LIMCH1: variants seen among roughly 807,000 people sequenced by gnomAD.
LIMCH1 encodes the protein LIM and calponin homology domains 1, also known as LIM and calponin homology domains-containing protein 1.
A neutral mutation model predicts 176.5 loss-of-function variants in LIMCH1; 113 were observed. The ratio of observed to expected loss-of-function variants is 0.64; its 90% CI spans 0.55 to 0.75. The LOEUF is 0.75. LIMCH1 is among the 30% of genes least tolerant of loss of function. The pLI is 0.00. For missense variants in LIMCH1, 1,674 were observed against 1,814.9 expected (o/e 0.92, Z 1.41); for synonymous variants, 619 against 645.9 (o/e 0.96, Z 0.63).
At chr4:41,672,314 G>T (rs538550545) in intron 22 of LIMCH1, among the ~76,000 whole-genome samples, 2 of 152,216 alleles carry the variant, frequency 1.3e-5, no homozygotes, top group Admixed American at 1.3e-4. Flanking sequence ...AGGTTGCAGT[G>T]AGCCAAGATC....
At chr4:41,624,267 C>T (rs780441591) in intron 7 of LIMCH1, among the ~76,000 whole-genome samples, 4 of 151,942 alleles carry the variant, frequency 2.6e-5, no homozygotes, top group South Asian at 2.1e-4. Flanking sequence ...TTCTCAACCA[C>T]GTAGTAATTA....
chr4:41,547,725 T>C (rs954200118), intron 1 of LIMCH1, among the ~76,000 whole-genome samples: 1 of 144,938 alleles, frequency 6.9e-6, no homozygotes, highest in African/African-American at 2.5e-5. Context: ...CATATATACA[T>C]ATATAATATA....
At position 41,662,740 on chromosome 4, in the gene LIMCH1, A is replaced by C. The variant is rs2094670153; in HGVS notation, c.3128-81A>C. On this transcript the variant is annotated intron_variant, in intron 19 of 31. Coordinates refer to ENST00000503057, the MANE Select transcript of LIMCH1 (RefSeq NM_001330672.2). ...ACGGGATATGGACTGAATGTACTTC[A>C]TGGCATTGCAGAATAAATGGTCCTA... 12 of 1,435,034 alleles carry C rather than the reference A, an allele frequency of 8.4e-6. No individual in the cohort carries two copies. In the South Asian group the frequency reaches 8.5e-5, roughly 10 times the overall value. The allele number at this position is 1,435,034 out of a possible 1,614,324, so 88.9% of individuals were successfully genotyped here.
At chr4:41,613,919 A>G (rs907059587) in intron 5 of LIMCH1, among the ~76,000 whole-genome samples, 8 of 152,238 alleles carry the variant, frequency 5.3e-5, no homozygotes, top group South Asian at 2.1e-4. Context: ...AATGTGTTAC[A>G]TCATTCCTCC....
At chr4:41,458,280 C>A (rs952837771) in intron 1 of LIMCH1, among the ~76,000 whole-genome samples, 2 of 152,010 alleles carry the variant, frequency 1.3e-5, no homozygotes, top group Non-Finnish European at 2.9e-5. Context: ...TTTGCTACTA[C>A]AAAATGATTA....
At chr4:41,528,355 TA>T (rs1561643003) in intron 3 of LIMCH1, among the ~76,000 whole-genome samples, 1 of 152,184 alleles carries the variant, frequency 6.6e-6, no homozygotes, top group East Asian at 1.9e-4. Context: ...TTTTTCAATA[TA>T]AAAAGTTGAG....
At chr4:41,553,224 A>G (rs560165701) in intron 1 of LIMCH1, among the ~76,000 whole-genome samples, 1 of 152,148 alleles carries the variant, frequency 6.6e-6, no homozygotes, top group Non-Finnish European at 1.5e-5. Context: ...CGGGGTTACA[A>G]CCATGAATGG....
In LIMCH1 at chr4:41,671,611, A is replaced by G; in HGVS notation, c.3438+17A>G. On this transcript the variant is annotated intron_variant, in intron 22 of 31. Coordinates refer to ENST00000503057, the MANE Select transcript of LIMCH1 (RefSeq NM_001330672.2). Reference sequence around the variant, plus strand: ...ATGACACCTGTAAGTCACTCATTTTAAGGAATAAGATTATGAGTTAGTGTG... The same window carrying G: ...ATGACACCTGTAAGTCACTCATTTTGAGGAATAAGATTATGAGTTAGTGTG... The G allele has an allele frequency of 6.5e-7, 1 of 1,531,690 alleles. No homozygotes were observed. 94.9% of individuals were successfully genotyped at this position (1,531,690 alleles called of 1,614,324 possible).
intron 22 of LIMCH1, among the ~76,000 whole-genome samples, chr4:41,672,446 A>T (rs1444458952): frequency 2.6e-5 from 4 of 152,230 alleles, no homozygotes; most frequent in African/African-American, 9.6e-5. Context: ...ACATTTTTTT[A>T]AATGTACCTC....
chr4:41,633,096 T>C lies in LIMCH1; in HGVS notation c.1829+11T>C. On this transcript the variant is annotated intron_variant, in intron 12 of 31. Transcript: ENST00000503057. ...CAGCAGCCAGCCACTGTGAGCATCTTGCCTGCGCTCTGCTCCGTGGTGTGT... is the reference window on the plus strand; with the variant it reads ...CAGCAGCCAGCCACTGTGAGCATCTCGCCTGCGCTCTGCTCCGTGGTGTGT... The C allele has an allele frequency of 6.6e-7, 1 of 1,516,722 alleles. No homozygotes were observed. The highest frequency in any genetic ancestry group is 8.8e-7 in the Non-Finnish European group (1 of 1,130,400). 94.0% of individuals were successfully genotyped at this position (1,516,722 alleles called of 1,614,324 possible). A position where few individuals can be genotyped will look rare whatever the true frequency, so the allele number is the denominator to read the frequency against.
intron 1 of LIMCH1, among the ~76,000 whole-genome samples, chr4:41,462,842 C>T (rs1029358915): frequency 2.0e-5 from 3 of 152,022 alleles, no homozygotes; most frequent in African/African-American, 7.2e-5. Context: ...AGGCATTTTA[C>T]CTCACTTATA....
intron 4 of LIMCH1, chr4:41,609,761 T>C (rs891931210): frequency 1.5e-5 from 6 of 402,440 alleles, no homozygotes; most frequent in African/African-American, 6.2e-5. Context: ...GGGACTGAGA[T>C]TCTAGATGAA....
At chr4:41,671,881 T>A in intron 22 of LIMCH1, among the ~76,000 whole-genome samples, 1 of 80,410 alleles carries the variant, frequency 1.2e-5, no homozygotes, top group African/African-American at 5.4e-5. Flanking sequence ...CGAGACTTCG[T>A]CTCAAAAAAA....
At chr4:41,426,881 A>G (rs1276931139) in intron 1 of LIMCH1, among the ~76,000 whole-genome samples, 1 of 152,268 alleles carries the variant, frequency 6.6e-6, no homozygotes, top group Non-Finnish European at 1.5e-5. Context: ...AGTAAAAAAC[A>G]TACTCATTTC....
In LIMCH1 at chr4:41,464,181, G is replaced by A. The variant is rs147120549; in HGVS notation, c.97-30355G>A. Among the ~76,000 whole-genome samples, 594 of 151,136 alleles carry A rather than the reference G, an allele frequency of 3.9e-3. 4 individuals are homozygous for A. The highest frequency in any genetic ancestry group is 0.014 in the African/African-American group (569 of 41,172). ...CTCTAGCCAGTTATCTCTGCTTGCC[G>A]TTGTTCTCTGAGCTCCTGCTCCAGT... On this transcript the variant is annotated intron_variant, in intron 1 of 26. Transcript: ENST00000313860.
chr4:41,500,103 A>G (rs1435820514), intron 2 of LIMCH1, among the ~76,000 whole-genome samples: 2 of 152,188 alleles, frequency 1.3e-5, no homozygotes, highest in Non-Finnish European at 2.9e-5. Context: ...ATTGCTGGTA[A>G]TGTTATGAGT....
At chr4:41,668,004 T>A (rs1023510418) in intron 21 of LIMCH1, among the ~76,000 whole-genome samples, 1 of 152,118 alleles carries the variant, frequency 6.6e-6, no homozygotes, top group Admixed American at 6.5e-5. Flanking sequence ...AAACATTTTT[T>A]AAAAAAAGAA....
chr4:41,657,511 A>G (rs1324170040), intron 18 of LIMCH1, among the ~76,000 whole-genome samples: 2 of 152,226 alleles, frequency 1.3e-5, no homozygotes, highest in African/African-American at 4.8e-5. Context: ...TGGAGAAAAC[A>G]TCGACTACCT....
At chr4:41,510,192 T>G (rs1267757152) in intron 2 of LIMCH1, among the ~76,000 whole-genome samples, 1 of 152,192 alleles carries the variant, frequency 6.6e-6, no homozygotes, top group East Asian at 1.9e-4. Context: ...TAATAAATAT[T>G]AAAATTCTCC....
Sources: allele counts gnomAD v4.1 joint callset (sites outside exome capture counted in the v4.1 genomes callset), GRCh38; gene constraint gnomAD v4.1.1; transcripts MANE v1.5; gene names NCBI Gene and HGNC (gene_info 2026-07-23, HGNC 2026-07-21).